Variants in MYO15B observed in about 807,000 individuals in gnomAD.
MYO15B encodes the protein myosin XVB.
A neutral mutation model predicts 119.3 loss-of-function variants in MYO15B; 207 were observed. The observed-to-expected ratio is 1.73, with a 90% CI of 1.55 to 1.95. MYO15B has a LOEUF of 1.95. Ranked by LOEUF, MYO15B falls within the 30% of genes most tolerant of loss-of-function variation. The probability of loss-of-function intolerance (pLI) is 0.00; values close to 1 mark genes in which losing one functional copy is unlikely to be tolerated. For missense variants in MYO15B, 2,264 were observed against 1,203.1 expected, an observed-to-expected ratio of 1.88 and a Z score of -13.04; for synonymous variants, 966 against 498.9, an observed-to-expected ratio of 1.94 and a Z score of -12.48.
chr17:75,626,301 G>A (rs2059058923), intron 63 of MYO15B, 73 bp downstream of exon 63: 1 of 698,520 alleles, frequency 1.4e-6, no homozygotes, highest in Non-Finnish European at 2.6e-6. Context: ...CGTGCAGTGG[G>A]AGCCCAGGCC....
At chr17:75,607,532 C>T (rs1384468114) in intron 21 of MYO15B, among the ~76,000 whole-genome samples, 1 of 151,724 alleles carries the variant, frequency 6.6e-6, no homozygotes, top group East Asian at 1.9e-4. Context: ...CTCACTGCAA[C>T]CTCTGCCTGC....
At chr17:75,592,151 G>A in intron 6 of MYO15B, 71 bp downstream of exon 6, 1 of 701,444 alleles carries the variant, frequency 1.4e-6, no homozygotes. Context: ...GCTTCCCTGG[G>A]GTCCAGACCC....
intron 19 of MYO15B, 149 bp downstream of exon 19, chr17:75,603,461 CCT>C (rs373339169): frequency 0.026 from 11,172 of 433,568 alleles, no homozygotes; most frequent in South Asian, 0.038. Context: ...GTCCTCTCAT[CCT>C]CTCTCTCTCT....
rs574472884 is a variant in MYO15B at position 75,621,492 on chromosome 17, T to G, written c.7936-9T>G. The G allele has an allele frequency of 1.3e-5, 9 of 701,586 alleles. No homozygotes were observed. Among genetic ancestry groups the G allele is most frequent in the Admixed American group, 2.0e-5 (1 of 50,002 alleles). 43.5% of individuals were successfully genotyped at this position (701,586 alleles called of 1,614,324 possible). The stretch of plus-strand genomic sequence containing the variant: ...CCCCAGACCCATGGCCTCCTCTCTT[T>G]GGCCACAGGCTCCCATCCAGGAGTC... On this transcript the variant is annotated splice_polypyrimidine_tract_variant and intron_variant, in intron 51 of 63. Transcript: ENST00000645453.
rs62089251 is a variant in MYO15B at position 75,602,823 on chromosome 17, C to G, written c.3730-7C>G. 0.43 allele frequency: 266,840 copies of G among 618,040 alleles called. 59,979 individuals carry two copies. The highest frequency in any genetic ancestry group is 0.49 in the Non-Finnish European group (168,809 of 345,570). The allele number at this position is 618,040 out of a possible 1,614,324, so 38.3% of individuals were successfully genotyped here. Reference sequence around the variant, plus strand: ...CGGCCAGCTGACTCAGCCCTTCACCCCCACAGCTGGTGGGCAGCCTGTTCC... The same window carrying G: ...CGGCCAGCTGACTCAGCCCTTCACCGCCACAGCTGGTGGGCAGCCTGTTCC... On this transcript the variant is annotated splice_region_variant and splice_polypyrimidine_tract_variant and intron_variant, in intron 16 of 63. Coordinates refer to ENST00000645453, the Ensembl canonical transcript of MYO15B.
chr17:75,588,654 G>A, exon 1 of MYO15B: 3 of 400,890 alleles, frequency 7.5e-6, no homozygotes, highest in South Asian at 1.3e-4. Flanking sequence ...CCGGGCCGGA[G>A]TCAGCGCTGG....
chr17:75,615,521 A>C, exon 35 of MYO15B: 1 of 698,686 alleles, frequency 1.4e-6, no homozygotes, highest in Non-Finnish European at 2.6e-6. Flanking sequence ...GTGCCGCCGC[A>C]GCCACCGCTT....
intron 19 of MYO15B, 90 bp from the exon 20 acceptor site, chr17:75,605,414 G>A: frequency 1.6e-6 from 1 of 638,060 alleles, no homozygotes; most frequent in Non-Finnish European, 2.8e-6. Flanking sequence ...TCCCGCCTGG[G>A]CAAAAGAGCG....
At chr17:75,625,769 A>C (rs2059011044) in intron 61 of MYO15B, 75 bp from the exon 62 acceptor site, 1 of 701,060 alleles carries the variant, frequency 1.4e-6, no homozygotes, top group Admixed American at 2.0e-5. Flanking sequence ...CTCTCAGCTG[A>C]CCTGGGGGAC....
intron 14 of MYO15B, among the ~76,000 whole-genome samples, chr17:75,598,227 C>T (rs1177196561): frequency 4.7e-5 from 7 of 149,654 alleles, no homozygotes; most frequent in Admixed American, 4.7e-4. Flanking sequence ...GAGATCGTGC[C>T]ACTACACTCC....
rs572043222 is a variant in MYO15B, at chr17:75,617,936, TG to T, written c.6927+18del. ...CTACGCAAGGAGGTGGGCATGAGGGTGGGGCCTTGGCCTGGCCTCTTTGGGC... is the reference window on the plus strand; with the variant it reads ...CTACGCAAGGAGGTGGGCATGAGGGTGGGCCTTGGCCTGGCCTCTTTGGGC... On this transcript the variant is annotated intron_variant, in intron 42 of 63. Transcript: ENST00000645453. The T allele has an allele frequency of 1.8e-4, 125 of 702,254 alleles. No individual in the cohort carries two copies. Among genetic ancestry groups the T allele is most frequent in the Non-Finnish European group, 2.7e-4 (103 of 384,706 alleles). 43.5% of individuals were successfully genotyped at this position (702,254 alleles called of 1,614,324 possible).
chr17:75,592,726 G>A (rs1197170343), exon 9 of MYO15B: 5 of 702,208 alleles, frequency 7.1e-6, no homozygotes, highest in Admixed American at 4.0e-5. Context: ...AGGACTTTGA[G>A]GGGCTGCTGA....
At position 75,615,894 on chromosome 17, in the gene MYO15B, T is replaced by G. The variant is rs1334793861; in HGVS notation, c.6030+10T>G. On this transcript the variant is annotated intron_variant, in intron 36 of 63. Coordinates refer to ENST00000645453, the Ensembl canonical transcript of MYO15B. Reference sequence around the variant, plus strand: ...GGGTGGCTGCCTGAGGGTGAGGAGGTGACCATATTCTCAGGAAGGGATGTG... The same window carrying G: ...GGGTGGCTGCCTGAGGGTGAGGAGGGGACCATATTCTCAGGAAGGGATGTG... 3.0e-6 allele frequency: 2 copies of G among 664,278 alleles called. No individual in the cohort carries two copies. Among genetic ancestry groups the G allele is most frequent in the South Asian group, 3.3e-5 (2 of 61,522 alleles). 41.1% of individuals were successfully genotyped at this position (664,278 alleles called of 1,614,324 possible).
chr17:75,617,092 C>A, exon 41 of MYO15B: 1 of 677,206 alleles, frequency 1.5e-6, no homozygotes, highest in Non-Finnish European at 2.7e-6. Flanking sequence ...CAGATGCTGT[C>A]CCCCAGCCCA....
At chr17:75,603,946 T>C (rs1316670152) in intron 19 of MYO15B, among the ~76,000 whole-genome samples, 1 of 152,168 alleles carries the variant, frequency 6.6e-6, no homozygotes, top group Non-Finnish European at 1.5e-5. Flanking sequence ...TTCTCGTTGA[T>C]GTCCAGCTGA....
chr17:75,609,262 C>T lies in MYO15B; in HGVS notation c.4293-904C>T, dbSNP rs376261201. 1.5e-4 allele frequency among the ~76,000 whole-genome samples: 23 copies of T among 151,382 alleles called. 1 individual carries two copies. Among genetic ancestry groups the T allele is most frequent in the African/African-American group, 5.6e-4 (23 of 41,222 alleles). Reference sequence around the variant, plus strand: ...TGACTTTGTCACCCAGGCTAAAGAGCAGTGACCCAGTCATAGCTCCTACCT... The same window carrying T: ...TGACTTTGTCACCCAGGCTAAAGAGTAGTGACCCAGTCATAGCTCCTACCT... On this transcript the variant is annotated intron_variant, in intron 21 of 63. Coordinates refer to ENST00000645453, the Ensembl canonical transcript of MYO15B.
exon 39 of MYO15B, chr17:75,616,650 C>T: frequency 1.4e-6 from 1 of 702,960 alleles, no homozygotes; most frequent in Non-Finnish European, 2.6e-6. Context: ...CAAGGGCCAG[C>T]CCAAGGCAGG....
At position 75,622,612 on chromosome 17, in the gene MYO15B, A is replaced by G. The variant is rs2058773048; in HGVS notation, c.8082+532A>G. On this transcript the variant is annotated intron_variant, in intron 53 of 63. Transcript: ENST00000645453. ...GATTCTGGAGAGAGACTCGGCTTAC[A>G]TTTCACAGGGTCACTCGGCTGTTGT... Among the ~76,000 whole-genome samples, 5 of 152,158 alleles carry G rather than the reference A, an allele frequency of 3.3e-5. No homozygotes were observed. In the South Asian group the frequency reaches 1.0e-3, roughly 32 times the overall value.
chr17:75,613,601 C>A, intron 28 of MYO15B, 104 bp from the exon 29 acceptor site: 1 of 648,250 alleles, frequency 1.5e-6, no homozygotes, highest in Non-Finnish European at 2.8e-6. Context: ...GATCCCCCTC[C>A]CCTCTGTCCT....
Sources: gnomAD v4.1 joint callset for allele counts (sites outside exome capture counted in the v4.1 genomes callset) on GRCh38, gnomAD v4.1.1 for gene constraint, MANE v1.5 for transcripts, NCBI Gene and HGNC (gene_info 2026-07-23, HGNC 2026-07-21) for gene names.